The following PNPLA1 variants were observed in gnomAD, a reference collection of about 807,000 sequenced individuals.
The protein encoded by PNPLA1 is patatin like domain 1, omega-hydroxyceramide transacylase.
A neutral mutation model predicts 51.7 loss-of-function variants in PNPLA1; 36 were observed. That is an observed-to-expected ratio of 0.70 (90% CI 0.53 to 0.92). The LOEUF is 0.92. Among genes scored for constraint, PNPLA1 ranks in the 40% least tolerant of loss-of-function variants. PNPLA1 has a pLI of 0.00. For missense variants in PNPLA1, 658 were observed against 682.5 expected, an observed-to-expected ratio of 0.96 and a Z score of 0.40; for synonymous variants, 293 against 280.1, an observed-to-expected ratio of 1.05 and a Z score of -0.46.
At chr6:36,301,183 C>T (rs377221408) in intron 5 of PNPLA1, among the ~76,000 whole-genome samples, 3 of 129,150 alleles carry the variant, frequency 2.3e-5, no homozygotes, top group Middle Eastern at 5.3e-3. Flanking sequence ...CGTAGTGGCA[C>T]GATCATGGCT....
intron 1 of PNPLA1, among the ~76,000 whole-genome samples, chr6:36,247,099 C>T (rs1481277221): frequency 6.6e-6 from 1 of 152,138 alleles, no homozygotes; most frequent in Admixed American, 6.5e-5. Flanking sequence ...TCTTTGACCT[C>T]CTCTCCCCAG....
intron 2 of PNPLA1, among the ~76,000 whole-genome samples, chr6:36,292,331 C>T (rs1770713448): frequency 6.6e-6 from 1 of 152,116 alleles, no homozygotes; most frequent in South Asian, 2.1e-4. Context: ...GCCAGCTCTT[C>T]CAGATCTGCC....
Position 36,302,175 on chromosome 6 carries a change from C to T in PNPLA1, c.1090C>T (p.Leu364Phe). ...ACAGCCACTGGCCTCTTCAACTCCA[C>T]TTTCTCTAAGTGGCATGCCACCTGT... ...PAQPLASSTP[L>F]SLSGMPPVSF... Residue 364 changes from leucine to phenylalanine, a missense_variant, in exon 6 of 9, where the codon CTT becomes TTT. Leu to Phe is a conservative substitution (Grantham distance 22). Coordinates refer to ENST00000636260, the MANE Select transcript of PNPLA1 (RefSeq NM_001374623.1). 1 of 1,614,242 alleles carries T rather than the reference C, an allele frequency of 6.2e-7. No homozygotes were observed.
chr6:36,307,700 G>T lies in PNPLA1; in HGVS notation c.1583G>T (p.Ser528Ile). Residue 528 changes from serine to isoleucine, a missense_variant, in exon 8 of 9, where the codon AGC (serine) becomes ATC (isoleucine). Transcript: ENST00000636260. ...FPRHSGSKKPSSKVQSAPCPL... is the reference protein window; with the variant it reads ...FPRHSGSKKPISKVQSAPCPL... Reference sequence around the variant, plus strand: ...AGACATTCGGGATCCAAAAAACCAAGCAGCAAAGTGCAGTGAGCATGTCTA... The same window carrying T: ...AGACATTCGGGATCCAAAAAACCAATCAGCAAAGTGCAGTGAGCATGTCTA... 1 of 1,613,942 alleles carries T rather than the reference G, an allele frequency of 6.2e-7. No individual in the cohort carries two copies. The highest frequency in any genetic ancestry group is 1.6e-4 in the Middle Eastern group (1 of 6,062).
intron 1 of PNPLA1, among the ~76,000 whole-genome samples, chr6:36,284,555 TCATCCATC>T (rs66750925): frequency 0.031 from 4,631 of 148,358 alleles, 99 homozygotes; most frequent in African/African-American, 0.056. Flanking sequence ...ATCCATCCAC[TCATCCATC>T]CATCCATCCA....
rs577904201 is a variant in PNPLA1, at chr6:36,278,983, G to A, written c.205+8319G>A. Among the ~76,000 whole-genome samples, 10 of 152,344 alleles carry A rather than the reference G, an allele frequency of 6.6e-5. No individual in the cohort carries two copies. In the South Asian group the frequency reaches 2.1e-3, roughly 32 times the overall value. On this transcript the variant is annotated intron_variant, in intron 1 of 8. Transcript: ENST00000636260. ...GAAGGATGGGAGAATGACACAAGGG[G>A]CACAGTGTTGGGTGGGCTGGCCAGA... is the stretch of plus-strand genomic sequence containing the variant.
chr6:36,273,137 T>A (rs542833767), intron 1 of PNPLA1, among the ~76,000 whole-genome samples: 2 of 152,090 alleles, frequency 1.3e-5, no homozygotes, highest in Non-Finnish European at 2.9e-5. Context: ...TCCCAGCTAC[T>A]CGGGAGGCTG....
At chr6:36,297,667 G>A (rs191684209) in intron 5 of PNPLA1, among the ~76,000 whole-genome samples, 7 of 152,338 alleles carry the variant, frequency 4.6e-5, no homozygotes, top group Admixed American at 2.0e-4. Flanking sequence ...GAATGGCAGC[G>A]CAGGCTGGCG....
chr6:36,248,364 C>T (rs981386283), intron 1 of PNPLA1, among the ~76,000 whole-genome samples: 2 of 152,112 alleles, frequency 1.3e-5, no homozygotes, highest in African/African-American at 4.8e-5. Flanking sequence ...CTGAGGGAGG[C>T]TCTGTTATTA....
At chr6:36,290,569 T>G (rs140342027) in intron 1 of PNPLA1, among the ~76,000 whole-genome samples, 202 of 152,344 alleles carry the variant, frequency 1.3e-3, no homozygotes, top group Middle Eastern at 0.01. Flanking sequence ...AAGTTAGCAC[T>G]TCTTATTAAG....
intron 5 of PNPLA1, among the ~76,000 whole-genome samples, chr6:36,298,150 G>C (rs143965189): frequency 1.3e-5 from 2 of 152,036 alleles, no homozygotes; most frequent in Admixed American, 6.5e-5. Context: ...TTTACGTTCC[G>C]TGCCACTGTA....
intron 1 of PNPLA1, among the ~76,000 whole-genome samples, chr6:36,291,016 C>T (rs1223750727): frequency 1.3e-5 from 2 of 152,164 alleles, no homozygotes; most frequent in East Asian, 3.9e-4. Flanking sequence ...TAAAGTGTTC[C>T]TTTAGCTGTT....
chr6:36,262,759 C>G (rs1485501645), intron 1 of PNPLA1, among the ~76,000 whole-genome samples: 1 of 152,174 alleles, frequency 6.6e-6, no homozygotes, highest in African/African-American at 2.4e-5. Context: ...TCTTGGAGAA[C>G]GTTCCCTATG....
At position 36,312,838 on chromosome 6, in the gene PNPLA1, C is replaced by T. The variant is rs1398945641; in HGVS notation, c.*952C>T. Among the ~76,000 whole-genome samples the T allele has an allele frequency of 1.3e-5, 2 of 152,210 alleles. No homozygotes were observed. The highest frequency in any genetic ancestry group is 2.9e-5 in the Non-Finnish European group (2 of 68,046). ...GATCGGCACTCATGGACCTTCCTCT[C>T]AACCTTGGCCTGAGCTTGCTTCTTT... On this transcript the variant is annotated 3_prime_UTR_variant, in exon 9 of 9. Coordinates refer to ENST00000636260, the MANE Select transcript of PNPLA1 (RefSeq NM_001374623.1).
chr6:36,288,673 T>A (rs1167379921), intron 1 of PNPLA1, among the ~76,000 whole-genome samples: 1 of 151,876 alleles, frequency 6.6e-6, no homozygotes, highest in East Asian at 1.9e-4. Flanking sequence ...TTAGCCAGGA[T>A]GGTCTCGATC....
intron 1 of PNPLA1, among the ~76,000 whole-genome samples, chr6:36,251,097 C>A (rs1293586231): frequency 2.0e-5 from 3 of 152,240 alleles, no homozygotes; most frequent in African/African-American, 7.2e-5. Flanking sequence ...AGGTAGGGAA[C>A]CAACAGTTCT....
At chr6:36,251,475 A>G (rs1769420097) in intron 1 of PNPLA1, among the ~76,000 whole-genome samples, 1 of 152,210 alleles carries the variant, frequency 6.6e-6, no homozygotes, top group South Asian at 2.1e-4. Context: ...ACTTGCTTTA[A>G]CCAGTAAGAT....
chr6:36,309,730 C>T (rs185460675), intron 8 of PNPLA1, among the ~76,000 whole-genome samples: 1 of 152,314 alleles, frequency 6.6e-6, no homozygotes, highest in East Asian at 1.9e-4. Context: ...CGTTCCTTTA[C>T]AGAACAGATG....
At chr6:36,307,754 AGCTTTGGGAACT>A in intron 8 of PNPLA1, 42 bp downstream of exon 8, 2 of 1,609,118 alleles carry the variant, frequency 1.2e-6, no homozygotes, top group Non-Finnish European at 1.7e-6. Flanking sequence ...GGAGAGGAGC[AGCTTTGGGAACT>A]GTGTTCAGAG....
Sources: allele counts gnomAD v4.1 joint callset (sites outside exome capture counted in the v4.1 genomes callset), GRCh38; gene constraint gnomAD v4.1.1; transcripts MANE v1.5; gene names NCBI Gene and HGNC (gene_info 2026-07-23, HGNC 2026-07-21).